ANKRD33B: variants seen among roughly 807,000 people sequenced by gnomAD.
ANKRD33B encodes the protein ankyrin repeat domain-containing protein 33B.
ANKRD33B carries 6 observed loss-of-function variants against 21.5 expected under a neutral mutation model. The observed-to-expected ratio is 0.28, with a 90% CI of 0.15 to 0.55. The LOEUF (loss-of-function observed/expected upper bound fraction) is 0.55. Among genes scored for constraint, ANKRD33B ranks in the 20% least tolerant of loss-of-function variants. The pLI, the probability that ANKRD33B is intolerant of heterozygous loss-of-function variation, is 0.94. For synonymous variants in ANKRD33B, 347 were observed against 342.4 expected, an observed-to-expected ratio of 1.01 and a Z score of -0.15; for missense variants, 698 against 747.2, an observed-to-expected ratio of 0.93 and a Z score of 0.77.
chr5:10,631,921 C>G (rs940954764), intron 2 of ANKRD33B, among the ~76,000 whole-genome samples: 2 of 152,204 alleles, frequency 1.3e-5, no homozygotes, highest in African/African-American at 2.4e-5. Context: ...ATCCAAATTG[C>G]AGAACGGCGG....
At chr5:10,604,528 A>T (rs931514698) in intron 1 of ANKRD33B, among the ~76,000 whole-genome samples, 1 of 151,486 alleles carries the variant, frequency 6.6e-6, no homozygotes, top group Non-Finnish European at 1.5e-5. Flanking sequence ...AAAAAAAGAA[A>T]AAAAAAAGAA....
chr5:10,613,019 C>A (rs1736203694), intron 1 of ANKRD33B, among the ~76,000 whole-genome samples: 1 of 152,144 alleles, frequency 6.6e-6, no homozygotes. Context: ...AATTTTTTCT[C>A]ACACTCGAGC....
chr5:10,618,006 G>A (rs1211832779), intron 1 of ANKRD33B, among the ~76,000 whole-genome samples: 1 of 152,168 alleles, frequency 6.6e-6, no homozygotes, highest in East Asian at 1.9e-4. Flanking sequence ...ATCGCCGTCT[G>A]CCGTGCTCTG....
At chr5:10,588,905 T>C (rs1277938505) in intron 1 of ANKRD33B, among the ~76,000 whole-genome samples, 1 of 152,164 alleles carries the variant, frequency 6.6e-6, no homozygotes, top group Non-Finnish European at 1.5e-5. Flanking sequence ...AGAGTGAACT[T>C]GCTTATTGTC....
At chr5:10,573,841 C>T (rs768147693) in intron 1 of ANKRD33B, among the ~76,000 whole-genome samples, 6 of 152,200 alleles carry the variant, frequency 3.9e-5, no homozygotes, top group Non-Finnish European at 8.8e-5. Context: ...GTGGGAATTA[C>T]AATTTGAGAT....
rs998151999 is a variant in ANKRD33B, at chr5:10,638,122, C to T, written c.591C>T (p.Ala197=). ...TCGGGTTCACCGCCCTGATGAAAGC[C>T]GCCATGCAGGGTCGAACGGACTGCA... is the stretch of plus-strand genomic sequence containing the variant. ...NAFGFTALMK[A]AMQGRTDCIR... Residue 197 remains alanine, a synonymous_variant, in exon 3 of 4, where the codon GCC becomes GCT. Coordinates refer to ENST00000296657, the MANE Select transcript of ANKRD33B (RefSeq NM_001164440.2). The T allele has an allele frequency of 1.4e-5, 22 of 1,537,348 alleles. No homozygotes were observed. Among genetic ancestry groups the T allele is most frequent in the Non-Finnish European group, 1.8e-5 (21 of 1,146,944 alleles).
intron 2 of ANKRD33B, among the ~76,000 whole-genome samples, chr5:10,620,372 T>C (rs140574886): frequency 5.9e-5 from 9 of 152,218 alleles, no homozygotes; most frequent in South Asian, 2.1e-4. Context: ...TATCATGACT[T>C]TGAAATGCTC....
chr5:10,617,106 C>T (rs73744107), intron 1 of ANKRD33B, among the ~76,000 whole-genome samples: 218 of 152,360 alleles, frequency 1.4e-3, no homozygotes, highest in African/African-American at 4.8e-3. Flanking sequence ...ACTCCACCCT[C>T]GTGATCTAAT....
In ANKRD33B at chr5:10,572,021, C is replaced by A. The variant is rs556716050; in HGVS notation, c.366+7188C>A. Among the ~76,000 whole-genome samples the A allele has an allele frequency of 1.3e-3, 199 of 151,904 alleles. 1 individual carries two copies. The highest frequency in any genetic ancestry group is 4.5e-3 in the African/African-American group (186 of 41,428). On this transcript the variant is annotated intron_variant, in intron 1 of 3. Transcript: ENST00000296657. ...CTCCTGCTTCAGCCTCCCAAGTAGC[C>A]GGGATTACAGGCACCCGCCACCATG...
At chr5:10,637,888 G>A in intron 2 of ANKRD33B, 140 bp from the exon 3 acceptor site, 1 of 938,798 alleles carries the variant, frequency 1.1e-6, no homozygotes, top group Non-Finnish European at 1.6e-6. Flanking sequence ...TTCTGTCTTG[G>A]GGTCCGAGAA....
intron 1 of ANKRD33B, among the ~76,000 whole-genome samples, chr5:10,566,313 A>C (rs1341957907): frequency 1.3e-5 from 2 of 152,142 alleles, no homozygotes; most frequent in Non-Finnish European, 2.9e-5. Flanking sequence ...CTGGCATGTG[A>C]TTAGGGCTTG....
intron 2 of ANKRD33B, among the ~76,000 whole-genome samples, chr5:10,622,794 C>CTTTTTTTTTTTTT: frequency 2.5e-5 from 2 of 78,600 alleles, no homozygotes; most frequent in Admixed American, 1.0e-4. Context: ...TTTGTTTTTG[C>CTTTTTTTTTTTTT]TTTATTTTAT....
At chr5:10,579,755 A>G (rs1165688513) in intron 1 of ANKRD33B, among the ~76,000 whole-genome samples, 2 of 152,156 alleles carry the variant, frequency 1.3e-5, no homozygotes, top group Non-Finnish European at 2.9e-5. Context: ...GTAATGGGAA[A>G]TCCCCAAAAA....
chr5:10,649,337 G>A lies in ANKRD33B; in HGVS notation c.709G>A (p.Val237Met). Residue 237 changes from valine to methionine, a missense_variant, in exon 4 of 4, where the codon GTG becomes ATG. Around this residue, in one of 3 missense-constraint regions of ANKRD33B, gnomAD observed 543 missense variants for 566.5 expected, o/e 0.96. Transcript: ENST00000296657. ...GGAGTGGGCCACTTACACGGGCCGC[G>A]TGGATGCCGTCCGTCTCATGCAGAG... ...PQEWATYTGR[V>M]DAVRLMQRLL... 1 of 1,535,002 alleles carries A rather than the reference G, an allele frequency of 6.5e-7. No individual in the cohort carries two copies. Among genetic ancestry groups the A allele is most frequent in the Non-Finnish European group, 8.7e-7 (1 of 1,146,630 alleles).
intron 1 of ANKRD33B, among the ~76,000 whole-genome samples, chr5:10,605,283 G>T (rs1736021257): frequency 6.6e-6 from 1 of 152,218 alleles, no homozygotes; most frequent in Non-Finnish European, 1.5e-5. Context: ...GGCCAGCCCT[G>T]ATGCAGCATG....
chr5:10,587,037 T>C (rs1735581066), intron 1 of ANKRD33B, among the ~76,000 whole-genome samples: 1 of 151,198 alleles, frequency 6.6e-6, no homozygotes. Context: ...TATTTTGAGA[T>C]GGAGTCTCGC....
intron 2 of ANKRD33B, among the ~76,000 whole-genome samples, chr5:10,634,418 C>T (rs1298111731): frequency 2.0e-5 from 3 of 151,478 alleles, no homozygotes; most frequent in South Asian, 2.1e-4. Flanking sequence ...GAACCAAGTC[C>T]GATTCCATAA....
chr5:10,612,717 G>A (rs1016853370), intron 1 of ANKRD33B, among the ~76,000 whole-genome samples: 4 of 152,038 alleles, frequency 2.6e-5, no homozygotes, highest in Non-Finnish European at 4.4e-5. Flanking sequence ...TGCCCACCCC[G>A]TCCCCAGCGC....
At chr5:10,607,706 G>T (rs989383469) in intron 1 of ANKRD33B, among the ~76,000 whole-genome samples, 1 of 152,222 alleles carries the variant, frequency 6.6e-6, no homozygotes, top group African/African-American at 2.4e-5. Flanking sequence ...TATGATAAGT[G>T]GAAGAGAATA....
Sources: gnomAD v4.1 joint callset for allele counts (sites outside exome capture counted in the v4.1 genomes callset) on GRCh38, gnomAD v4.1.1 for gene constraint, gnomAD v4.1.1 regional missense constraint, MANE v1.5 for transcripts, NCBI Gene and HGNC (gene_info 2026-07-23, HGNC 2026-07-21) for gene names.